Variants in PIKFYVE observed in about 807,000 individuals in gnomAD.
PIKFYVE encodes 1-phosphatidylinositol 3-phosphate 5-kinase.
PIKFYVE carries 122 observed loss-of-function variants against 257.9 expected under a neutral mutation model. The ratio of observed to expected loss-of-function variants is 0.47; its 90% CI spans 0.41 to 0.55. PIKFYVE has a LOEUF of 0.55. PIKFYVE is among the 20% of genes least tolerant of loss of function. PIKFYVE has a pLI of 0.00. For synonymous variants in PIKFYVE, 892 were observed against 868.9 expected (o/e 1.03, Z -0.47); for missense variants, 2,160 against 2,536.6 (o/e 0.85, Z 3.19).
Position 208,324,935 on chromosome 2 carries a change from A to G in PIKFYVE, c.2356A>G (p.Met786Val), listed in dbSNP as rs770466062. 1.2e-6 allele frequency: 2 copies of G among 1,614,090 alleles called. No individual in the cohort carries two copies. The highest frequency in any genetic ancestry group is 2.7e-5 in the African/African-American group (2 of 75,068). ...GCAAGTTTTGGAACGAATCAGTCGA[A>G]TGACCCAAGGTGATTTAGTGATGTC... is the stretch of plus-strand genomic sequence containing the variant. ...KSQVLERISR[M>V]TQGDLVMSMD... Residue 786 changes from methionine (M) to valine (V), a missense_variant, in exon 19 of 42, where the codon ATG becomes GTG. Physicochemically the swap from Met to Val is conservative, Grantham distance 21 (BLOSUM62 1). Coordinates refer to ENST00000264380, the MANE Select transcript of PIKFYVE (RefSeq NM_015040.4).
intron 1 of PIKFYVE, chr2:208,269,813 C>A: frequency 8.1e-6 from 2 of 246,980 alleles, no homozygotes. Flanking sequence ...ACTGGGGGCT[C>A]CTTGGTTTTC....
At chr2:208,284,477 TC>T (rs1352146596) in intron 5 of PIKFYVE, among the ~76,000 whole-genome samples, 3 of 152,184 alleles carry the variant, frequency 2.0e-5, no homozygotes, top group African/African-American at 7.2e-5. Flanking sequence ...GCCAGGCTGG[TC>T]TTGGACTACT....
rs772957558 is a variant in PIKFYVE, at chr2:208,339,503, T to C, written c.4758T>C (p.Ser1586=). Residue 1586 remains serine (S), a synonymous_variant, in exon 30 of 42, where the codon TCT becomes TCC. Coordinates refer to ENST00000264380, the MANE Select transcript of PIKFYVE (RefSeq NM_015040.4). ...LQLPTPPEVM[S]EQSVGGPPEL... The stretch of plus-strand genomic sequence containing the variant: ...TGCCTACGCCACCTGAAGTCATGTC[T>C]GAACAGTCAGTGGGAGGGCCCCCTG... The C allele has an allele frequency of 1.2e-6, 2 of 1,614,190 alleles. No homozygotes were observed. The highest frequency in any genetic ancestry group is 2.2e-5 in the South Asian group (2 of 91,082).
At position 208,342,591 on chromosome 2, in the gene PIKFYVE, C is replaced by G; in HGVS notation, c.4969C>G (p.Arg1657Gly). 1 of 1,613,908 alleles carries G rather than the reference C, an allele frequency of 6.2e-7. No homozygotes were observed. Among genetic ancestry groups the G allele is most frequent in the South Asian group, 1.1e-5 (1 of 91,086 alleles). ...DKHYLMYEHE[R>G]VPIAVCEKEP... The stretch of plus-strand genomic sequence containing the variant: ...ACACTACTTAATGTATGAACATGAA[C>G]GAGTGCCCATTGCAGTCTGCGAGAA... Residue 1657 changes from arginine (R) to glycine (G), a missense_variant, in exon 32 of 42, where the codon CGA becomes GGA. Physicochemically the swap from Arg to Gly is moderately radical, Grantham distance 125. This residue lies in a region of PIKFYVE where 699 missense variants were observed against 855.8 expected (regional missense o/e 0.82). Transcript: ENST00000264380.
chr2:208,268,619 A>T (rs12694104), intron 1 of PIKFYVE, among the ~76,000 whole-genome samples: 1 of 149,798 alleles, frequency 6.7e-6, no homozygotes, highest in African/African-American at 2.5e-5. Context: ...CTTTTTTTTG[A>T]GTGTATACTT....
At chr2:208,347,483 T>C (rs760834810) in intron 34 of PIKFYVE, among the ~76,000 whole-genome samples, 4 of 152,200 alleles carry the variant, frequency 2.6e-5, no homozygotes. Context: ...TTAACTATAT[T>C]GCAATACTGT....
rs1476885599 is a variant in PIKFYVE, at chr2:208,346,117, A to G, written c.5179A>G (p.Asn1727Asp). 1 of 1,613,068 alleles carries G rather than the reference A, an allele frequency of 6.2e-7. No individual in the cohort carries two copies. Among genetic ancestry groups the G allele is most frequent in the Non-Finnish European group, 8.5e-7 (1 of 1,179,286 alleles). The change falls in exon 34 of 42, where the codon AAT becomes GAT. Residue 1727 changes from asparagine (N) to aspartate (D), a missense_variant. Coordinates refer to ENST00000264380, the MANE Select transcript of PIKFYVE (RefSeq NM_015040.4). The part of the protein sequence containing the change: ...RLPEMSGGQT[N>D]RTTETEPQPT... ...ACCTGAAATGAGTGGAGGACAGACAAATCGTACAACAGAAACAGAACCACA... is the reference window on the plus strand; with the variant it reads ...ACCTGAAATGAGTGGAGGACAGACAGATCGTACAACAGAAACAGAACCACA...
At chr2:208,352,829 G>T in intron 39 of PIKFYVE, 47 bp downstream of exon 39, 7 of 1,597,418 alleles carry the variant, frequency 4.4e-6, no homozygotes, top group Non-Finnish European at 6.0e-6. Flanking sequence ...GGAACCTTTT[G>T]TACCTTTGGT....
intron 28 of PIKFYVE, among the ~76,000 whole-genome samples, chr2:208,338,003 G>A (rs980286157): frequency 6.6e-5 from 10 of 152,122 alleles, no homozygotes; most frequent in Admixed American, 5.9e-4. Context: ...GATTACAGGC[G>A]TAAGCCACCA....
At position 208,328,178 on chromosome 2, in the gene PIKFYVE, A is replaced by G. The variant is rs1697147927; in HGVS notation, c.3619-2A>G. The G allele has an allele frequency of 1.2e-6, 2 of 1,613,742 alleles. No individual in the cohort carries two copies. Among genetic ancestry groups the G allele is most frequent in the Non-Finnish European group, 8.5e-7 (1 of 1,179,752 alleles). ...CTCATCCATTCATTCCTTCTATTTC[A>G]GGTGGACTGTCTGAATCCCATTAAT... On this transcript the variant is annotated splice_acceptor_variant, in intron 20 of 41. Coordinates refer to ENST00000264380, the MANE Select transcript of PIKFYVE (RefSeq NM_015040.4). LOFTEE classifies it high-confidence loss of function.
intron 29 of PIKFYVE, 43 bp downstream of exon 29, chr2:208,338,611 G>A (rs765597436): frequency 6.4e-7 from 1 of 1,570,252 alleles, no homozygotes; most frequent in Non-Finnish European, 8.8e-7. Context: ...AGGATTTAAA[G>A]AAATTTCTTA....
intron 39 of PIKFYVE, among the ~76,000 whole-genome samples, chr2:208,353,545 CTTT>C (rs140414531): frequency 3.0e-5 from 4 of 132,942 alleles, no homozygotes; most frequent in Admixed American, 1.4e-4. Flanking sequence ...GCATCTCTCT[CTTT>C]TTTTTTTTAA....
intron 32 of PIKFYVE, among the ~76,000 whole-genome samples, chr2:208,343,189 G>A (rs1469576031): frequency 6.6e-6 from 1 of 152,120 alleles, no homozygotes; most frequent in African/African-American, 2.4e-5. Flanking sequence ...AATTGACTTG[G>A]CAAGTTATTT....
At chr2:208,301,119 ATAT>A in intron 9 of PIKFYVE, 25 bp downstream of exon 9, 1 of 1,611,902 alleles carries the variant, frequency 6.2e-7, no homozygotes, top group South Asian at 1.1e-5. Context: ...GAAGGTTTCA[ATAT>A]TATTTGTTTA....
intron 17 of PIKFYVE, among the ~76,000 whole-genome samples, chr2:208,320,645 T>A (rs1232702431): frequency 6.6e-6 from 1 of 152,214 alleles, no homozygotes; most frequent in Non-Finnish European, 1.5e-5. Context: ...CTTACCAGAT[T>A]TCTAATGGAA....
intron 14 of PIKFYVE, among the ~76,000 whole-genome samples, chr2:208,314,728 C>G (rs943000748): frequency 6.6e-6 from 1 of 152,126 alleles, no homozygotes; most frequent in Non-Finnish European, 1.5e-5. Context: ...AAAACCCCGT[C>G]TCTACTAATA....
intron 3 of PIKFYVE, among the ~76,000 whole-genome samples, chr2:208,275,320 C>T (rs945676103): frequency 2.0e-5 from 3 of 152,218 alleles, no homozygotes; most frequent in African/African-American, 4.8e-5. Flanking sequence ...GGGTCTCACT[C>T]ATCCTTTTTC....
intron 17 of PIKFYVE, among the ~76,000 whole-genome samples, chr2:208,323,738 T>G (rs1382960624): frequency 6.6e-6 from 1 of 152,216 alleles, no homozygotes. Flanking sequence ...AGTGTAAAAG[T>G]GTTCCTATTT....
chr2:208,315,483 G>T (rs1400197272), intron 15 of PIKFYVE, 110 bp downstream of exon 15: 1 of 1,301,276 alleles, frequency 7.7e-7, no homozygotes, highest in Non-Finnish European at 1.1e-6. Context: ...GGGGTGCTAG[G>T]TGAGGAGTAG....
Sources: gnomAD v4.1 joint callset for allele counts (sites outside exome capture counted in the v4.1 genomes callset) on GRCh38, gnomAD v4.1.1 for gene constraint, gnomAD v4.1.1 regional missense constraint, MANE v1.5 for transcripts, NCBI Gene and HGNC (gene_info 2026-07-23, HGNC 2026-07-21) for gene names.